The following DGKB variants were observed in gnomAD, a reference collection of about 807,000 sequenced individuals.
DGKB encodes the protein diacylglycerol kinase beta.
DGKB carries 67 observed loss-of-function variants against 114.3 expected under a neutral mutation model. The observed-to-expected ratio is 0.59, with a 90% CI of 0.48 to 0.72. The LOEUF (loss-of-function observed/expected upper bound fraction) is 0.72, where lower values mean the gene tolerates loss of function less well. Among genes scored for constraint, DGKB ranks in the 30% least tolerant of loss-of-function variants. DGKB has a pLI of 0.00. For synonymous variants in DGKB, 398 were observed against 323.1 expected (o/e 1.23, Z -2.49); for missense variants, 907 against 975.2 (o/e 0.93, Z 0.93).
At chr7:14,471,038 T>C (rs1781211477) in intron 21 of DGKB, among the ~76,000 whole-genome samples, 1 of 151,138 alleles carries the variant, frequency 6.6e-6, no homozygotes, top group Non-Finnish European at 1.5e-5. Context: ...TTTTTATCTC[T>C]AGATAACAAA....
intron 14 of DGKB, among the ~76,000 whole-genome samples, chr7:14,623,134 T>C (rs376913152): frequency 1.3e-5 from 2 of 152,158 alleles, no homozygotes; most frequent in South Asian, 4.1e-4. Context: ...GAAAACTTTT[T>C]TGAAAAGTTT....
intron 20 of DGKB, among the ~76,000 whole-genome samples, chr7:14,559,147 C>T (rs374568692): frequency 1.3e-5 from 2 of 152,174 alleles, no homozygotes; most frequent in African/African-American, 2.4e-5. Context: ...TGTAGAAATA[C>T]TCTGTAATTA....
In DGKB at chr7:14,924,181, A is replaced by G. The variant is rs2128248300; in HGVS notation, c.-188+50515T>C. On this transcript the variant is annotated intron_variant, in intron 1 of 4. Transcript: ENST00000437998. ...GTTATAGAATTGTATTTATTTTTCT[A>G]TAGTTCTTAAAAATATTTTTGCTGG... Among the ~76,000 whole-genome samples the G allele has an allele frequency of 1.3e-5, 2 of 151,968 alleles. 1 individual carries two copies. The highest frequency in any genetic ancestry group is 3.9e-4 in the East Asian group (2 of 5,152).
intron 2 of DGKB, among the ~76,000 whole-genome samples, chr7:14,792,222 T>A (rs1367603149): frequency 6.6e-6 from 1 of 152,198 alleles, no homozygotes; most frequent in Non-Finnish European, 1.5e-5. Flanking sequence ...AGCTGTATTA[T>A]TTGCAGTAAT....
chr7:14,329,056 T>G (rs549805255), intron 23 of DGKB, among the ~76,000 whole-genome samples: 1 of 152,096 alleles, frequency 6.6e-6, no homozygotes, highest in South Asian at 2.1e-4. Flanking sequence ...GGCCGCACAC[T>G]TCCAAGGAGC....
At chr7:14,463,786 A>G (rs1833429653) in intron 21 of DGKB, among the ~76,000 whole-genome samples, 3 of 152,202 alleles carry the variant, frequency 2.0e-5, no homozygotes, top group East Asian at 1.9e-4. Context: ...AATTGTAACT[A>G]TCTCCTAAGA....
chr7:14,213,956 G>C (rs968135293), intron 23 of DGKB, among the ~76,000 whole-genome samples: 1 of 152,042 alleles, frequency 6.6e-6, no homozygotes, highest in Non-Finnish European at 1.5e-5. Flanking sequence ...AGTATAGTGA[G>C]GTTTTACATG....
chr7:14,647,188 C>T (rs918156681), intron 13 of DGKB, among the ~76,000 whole-genome samples: 1 of 152,104 alleles, frequency 6.6e-6, no homozygotes, highest in Non-Finnish European at 1.5e-5. Context: ...CAACTATACA[C>T]TACCACACTG....
intron 21 of DGKB, among the ~76,000 whole-genome samples, chr7:14,403,216 A>C (rs1001767937): frequency 6.8e-6 from 1 of 146,870 alleles, no homozygotes; most frequent in South Asian, 2.1e-4. Context: ...CTTTTAATTT[A>C]AAAAAAAAAG....
intron 6 of DGKB, among the ~76,000 whole-genome samples, chr7:14,702,779 T>C (rs1825433547): frequency 6.6e-6 from 1 of 152,144 alleles, no homozygotes; most frequent in Non-Finnish European, 1.5e-5. Flanking sequence ...TATTTGTAGG[T>C]GATTATTTTT....
chr7:14,653,897 G>A (rs7810277), intron 13 of DGKB, among the ~76,000 whole-genome samples: 80,161 of 151,878 alleles, frequency 0.53, 22,947 homozygotes, highest in Admixed American at 0.67. Context: ...ACACAATAAA[G>A]GCCATTTATG....
At chr7:14,770,015 T>A (rs1393369488) in intron 2 of DGKB, among the ~76,000 whole-genome samples, 2 of 152,120 alleles carry the variant, frequency 1.3e-5, no homozygotes, top group East Asian at 3.9e-4. Flanking sequence ...GGCTTAGGAT[T>A]TGGACATATC....
Position 14,551,052 on chromosome 7 carries a change from G to T in DGKB, c.1770+23160C>A, listed in dbSNP as rs145137025. ...GTGTTACAAAGGGCTGAAAACTGGA[G>T]AAATTCTGTTAACTATTTCCACTAA... On this transcript the variant is annotated intron_variant, in intron 20 of 25. Transcript: ENST00000402815. Among the ~76,000 whole-genome samples the T allele has an allele frequency of 4.0e-3, 484 of 121,722 alleles. 3 individuals are homozygous for T. Among genetic ancestry groups the T allele is most frequent in the African/African-American group, 0.014 (458 of 32,922 alleles). The allele number at this position is 121,722 out of a possible 152,430, so 79.9% of individuals were successfully genotyped here.
chr7:14,913,912 G>A (rs1225099430), intron 1 of DGKB, among the ~76,000 whole-genome samples: 1 of 152,036 alleles, frequency 6.6e-6, no homozygotes, highest in Non-Finnish European at 1.5e-5. Flanking sequence ...GAAGAGACAA[G>A]CAAACATAGA....
chr7:14,493,142 T>A (rs73285809), intron 20 of DGKB, among the ~76,000 whole-genome samples: 2,430 of 152,148 alleles, frequency 0.016, 114 homozygotes, highest in Admixed American at 0.09. Context: ...AAACTATGGA[T>A]TGAAAATGGA....
At chr7:14,892,179 T>A (rs1001101955) in intron 1 of DGKB, among the ~76,000 whole-genome samples, 3 of 151,366 alleles carry the variant, frequency 2.0e-5, no homozygotes, top group African/African-American at 7.3e-5. Flanking sequence ...AGCAATGTTA[T>A]CACTTAGTGT....
chr7:14,462,225 T>C (rs1584125274), intron 21 of DGKB, among the ~76,000 whole-genome samples: 1 of 152,270 alleles, frequency 6.6e-6, no homozygotes, highest in East Asian at 1.9e-4. Flanking sequence ...TCACCACTCC[T>C]ATTCAATATA....
intron 17 of DGKB, among the ~76,000 whole-genome samples, chr7:14,584,618 A>T (rs1431435533): frequency 1.3e-5 from 2 of 152,014 alleles, no homozygotes. Context: ...GAACACTCAA[A>T]GATGTGCCTT....
intron 5 of DGKB, among the ~76,000 whole-genome samples, chr7:14,732,057 A>C (rs745806031): frequency 1.4e-4 from 22 of 152,172 alleles, no homozygotes; most frequent in Non-Finnish European, 2.9e-4. Context: ...AACAAAACCC[A>C]GCTATACATA....
Sources: allele counts gnomAD v4.1 joint callset (sites outside exome capture counted in the v4.1 genomes callset), GRCh38; gene constraint gnomAD v4.1.1; transcripts MANE v1.5; gene names NCBI Gene and HGNC (gene_info 2026-07-23, HGNC 2026-07-21).